Variants in MCCC1 observed in about 807,000 individuals in gnomAD.
MCCC1 encodes methylcrotonyl-CoA carboxylase subunit 1.
In MCCC1, 64 loss-of-function variants were observed where a neutral mutation model predicts 83.8. The ratio of observed to expected loss-of-function variants is 0.76; its 90% CI spans 0.62 to 0.94. The LOEUF is 0.94. Among genes scored for constraint, MCCC1 ranks in the 40% least tolerant of loss-of-function variants. MCCC1 has a pLI of 0.00. For synonymous variants in MCCC1, 322 were observed against 315.4 expected (o/e 1.02, Z -0.22); for missense variants, 807 against 904.7 (o/e 0.89, Z 1.39).
chr3:183,045,653 C>G, intron 9 of MCCC1, 113 bp from the exon 10 acceptor site: 1 of 1,094,838 alleles, frequency 9.1e-7, no homozygotes, highest in Non-Finnish European at 1.4e-6. Context: ...AATGGTAACA[C>G]TTTGCATTTC....
At chr3:183,099,610 A>C, upstream of MCCC1, 10 of 740,934 alleles carry the variant, frequency 1.3e-5, no homozygotes, top group Non-Finnish European at 1.8e-5. Context: ...ACGAACACCA[A>C]TCAAAGACCA....
chr3:183,079,101 G>C (rs111247851), intron 4 of MCCC1, among the ~76,000 whole-genome samples: 1 of 152,066 alleles, frequency 6.6e-6, no homozygotes, highest in Non-Finnish European at 1.5e-5. Flanking sequence ...ATTTGGGTGG[G>C]GACACAGAAC....
At chr3:183,108,410 G>C (rs141202419) in intron 1 of MCCC1, among the ~76,000 whole-genome samples, 70 of 152,294 alleles carry the variant, frequency 4.6e-4, no homozygotes, top group African/African-American at 1.7e-3. Context: ...TTTGTTCCAT[G>C]ATGTTAACTT....
chr3:183,086,848 T>C (rs1358632929), intron 3 of MCCC1, 60 bp from the exon 4 acceptor site: 9 of 1,420,976 alleles, frequency 6.3e-6, no homozygotes, highest in East Asian at 4.6e-5. Context: ...TCATACACTA[T>C]ACAGAACTGC....
At chr3:183,059,246 CTGCAG>C (rs1715650700) in intron 7 of MCCC1, among the ~76,000 whole-genome samples, 2 of 152,262 alleles carry the variant, frequency 1.3e-5, no homozygotes, top group African/African-American at 4.8e-5. Flanking sequence ...GAGGCGGAGG[CTGCAG>C]TGGGCCGAGA....
At chr3:183,108,426 C>T (rs1287633221) in intron 1 of MCCC1, among the ~76,000 whole-genome samples, 2 of 152,124 alleles carry the variant, frequency 1.3e-5, no homozygotes, top group East Asian at 3.8e-4. Context: ...AACTTTATCA[C>T]TTGATTAAAT....
At chr3:183,020,551 AGCCTG>A (rs1420245792) in intron 16 of MCCC1, among the ~76,000 whole-genome samples, 1 of 152,006 alleles carries the variant, frequency 6.6e-6, no homozygotes, top group East Asian at 1.9e-4. Flanking sequence ...GGCTCACTTG[AGCCTG>A]GGAGGTAGAG....
chr3:183,056,816 A>C (rs1462862287), intron 8 of MCCC1, among the ~76,000 whole-genome samples: 1 of 151,926 alleles, frequency 6.6e-6, no homozygotes, highest in Non-Finnish European at 1.5e-5. Context: ...GCCTCAGCCT[A>C]CCCAAGTAGC....
intron 7 of MCCC1, among the ~76,000 whole-genome samples, chr3:183,063,289 C>G (rs1013590750): frequency 6.6e-6 from 1 of 152,184 alleles, no homozygotes; most frequent in Non-Finnish European, 1.5e-5. Flanking sequence ...GCCCTATTTA[C>G]ATTTTTAATC....
chr3:183,051,097 G>C (rs1714941152), intron 9 of MCCC1, among the ~76,000 whole-genome samples: 1 of 152,176 alleles, frequency 6.6e-6, no homozygotes, highest in Non-Finnish European at 1.5e-5. Flanking sequence ...TGTCACTTTA[G>C]AATAGAGTTT....
chr3:183,080,371 C>T (rs1717399395), intron 4 of MCCC1, among the ~76,000 whole-genome samples: 1 of 152,192 alleles, frequency 6.6e-6, no homozygotes, highest in Admixed American at 6.5e-5. Flanking sequence ...GTTTGAAGGT[C>T]CACAAATCTC....
rs146680794 is a variant in MCCC1, at chr3:183,085,572, C to T, written c.369+1121G>A. 1.4e-3 allele frequency among the ~76,000 whole-genome samples: 204 copies of T among 144,144 alleles called. 3 individuals are homozygous for T. The East Asian group carries it at 0.027, about 19-fold the overall frequency. The allele number at this position is 144,144 out of a possible 152,430, so 94.6% of individuals were successfully genotyped here. A position where few individuals can be genotyped will look rare whatever the true frequency, so the allele number is the denominator to read the frequency against. ...TGAGCCTGGGTGTTGGAAGCTGCAG[C>T]GAGCCATGATTGTGCCACTGCACTG... On this transcript the variant is annotated intron_variant, in intron 4 of 18. Transcript: ENST00000265594.
chr3:183,089,057 A>G (rs762935504), intron 3 of MCCC1, among the ~76,000 whole-genome samples: 31 of 152,212 alleles, frequency 2.0e-4, no homozygotes, highest in Admixed American at 5.2e-4. Context: ...GGATATGCAT[A>G]GTTTAATAGC....
chr3:183,090,983 G>A (rs1718285827), intron 3 of MCCC1: 1 of 456,560 alleles, frequency 2.2e-6, no homozygotes, highest in South Asian at 1.5e-5. Flanking sequence ...AGCAGATTCT[G>A]TGGCAGGAAC....
intron 7 of MCCC1, among the ~76,000 whole-genome samples, chr3:183,062,903 G>A (rs1402050164): frequency 6.6e-6 from 1 of 152,156 alleles, no homozygotes; most frequent in Non-Finnish European, 1.5e-5. Context: ...CCAGAGTACG[G>A]CCAGAGAGAC....
At chr3:183,019,663 T>C (rs567053989) in intron 17 of MCCC1, among the ~76,000 whole-genome samples, 1 of 152,364 alleles carries the variant, frequency 6.6e-6, no homozygotes, top group South Asian at 2.1e-4. Context: ...TCAGACAGTA[T>C]GGACTGCAAC....
At chr3:183,074,636 T>G in intron 4 of MCCC1, among the ~76,000 whole-genome samples, 1 of 152,182 alleles carries the variant, frequency 6.6e-6, no homozygotes, top group East Asian at 1.9e-4. Flanking sequence ...CAGGAAACAA[T>G]GCAATGCCAG....
At chr3:183,111,491 G>C (rs893575716) in intron 1 of MCCC1, among the ~76,000 whole-genome samples, 1 of 152,120 alleles carries the variant, frequency 6.6e-6, no homozygotes, top group Admixed American at 6.5e-5. Flanking sequence ...GTAGACATGG[G>C]GTTTTGCCAT....
chr3:183,022,363 T>C (rs1712225667), intron 16 of MCCC1, 54 bp downstream of exon 16: 4 of 1,595,536 alleles, frequency 2.5e-6, no homozygotes, highest in African/African-American at 2.7e-5. Context: ...ATGTCTCTGG[T>C]CAAACAGTTT....
Sources: allele counts gnomAD v4.1 joint callset (sites outside exome capture counted in the v4.1 genomes callset), GRCh38; gene constraint gnomAD v4.1.1; transcripts MANE v1.5; gene names NCBI Gene and HGNC (gene_info 2026-07-23, HGNC 2026-07-21).